The following EEFSEC variants were observed in gnomAD, a reference collection of about 807,000 sequenced individuals.
The protein encoded by EEFSEC is selenocysteine-specific elongation factor.
EEFSEC carries 43 observed loss-of-function variants against 42.1 expected under a neutral mutation model. That is an observed-to-expected ratio of 1.02 (90% CI 0.80 to 1.32). The LOEUF (loss-of-function observed/expected upper bound fraction) is 1.32. EEFSEC is among the 40% of genes most tolerant of loss of function. EEFSEC has a pLI of 0.00. For synonymous variants in EEFSEC, 354 were observed against 339.1 expected (o/e 1.04, Z -0.48); for missense variants, 745 against 803.6 (o/e 0.93, Z 0.88).
chr3:128,348,977 G>T (rs1175315278), intron 5 of EEFSEC, among the ~76,000 whole-genome samples: 1 of 152,242 alleles, frequency 6.6e-6, no homozygotes, highest in Non-Finnish European at 1.5e-5. Flanking sequence ...GTGGGAGGAA[G>T]TAGGCTGGTG....
intron 6 of EEFSEC, among the ~76,000 whole-genome samples, chr3:128,403,153 G>A (rs1056898087): frequency 5.3e-5 from 8 of 152,196 alleles, no homozygotes; most frequent in African/African-American, 1.9e-4. Context: ...AGCTGCCGGA[G>A]CTCCCAAGTC....
downstream of EEFSEC, among the ~76,000 whole-genome samples, chr3:128,410,577 C>G (rs879734333): frequency 6.6e-6 from 1 of 152,182 alleles, no homozygotes; most frequent in Non-Finnish European, 1.5e-5. Context: ...TCCCTGCCTG[C>G]GGTGTGAGCT....
At chr3:128,254,494 G>A (rs2066221739) in intron 2 of EEFSEC, among the ~76,000 whole-genome samples, 1 of 152,156 alleles carries the variant, frequency 6.6e-6, no homozygotes, top group Admixed American at 6.5e-5. Flanking sequence ...AGGGAAATGG[G>A]GGCTGAGTGA....
At chr3:128,356,543 G>A (rs1397516918) in intron 5 of EEFSEC, among the ~76,000 whole-genome samples, 2 of 152,284 alleles carry the variant, frequency 1.3e-5, no homozygotes, top group Admixed American at 6.5e-5. Flanking sequence ...TGGGAGGTCC[G>A]CCTGGTGTGT....
In EEFSEC at chr3:128,341,344, C is replaced by T; in HGVS notation, c.898C>T (p.Arg300Cys). Residue 300 changes from arginine (R) to cysteine (C), a missense_variant, in exon 5 of 7, where the codon CGC becomes TGC. Coordinates refer to ENST00000254730, the MANE Select transcript of EEFSEC (RefSeq NM_021937.5). ...CCAGTTTGACCCTAAGCTGCTGGAG[C>T]GCGGGTTGGTGTGTGCCCCCGAGTC... Reference protein sequence around the residue: ...VTQFDPKLLERGLVCAPESLH... With the variant: ...VTQFDPKLLECGLVCAPESLH... The T allele has an allele frequency of 2.5e-6, 4 of 1,614,190 alleles. 1 individual carries two copies. The highest frequency in any genetic ancestry group is 2.2e-5 in the East Asian group (1 of 44,880).
chr3:128,406,063 G>T (rs887253556), intron 6 of EEFSEC, among the ~76,000 whole-genome samples: 1 of 152,204 alleles, frequency 6.6e-6, no homozygotes, highest in African/African-American at 2.4e-5. Flanking sequence ...GGACCCCCCA[G>T]TGGGGCTGTG....
At chr3:128,194,646 A>C (rs2065562553) in intron 1 of EEFSEC, among the ~76,000 whole-genome samples, 1 of 152,238 alleles carries the variant, frequency 6.6e-6, no homozygotes, top group Admixed American at 6.5e-5. Flanking sequence ...GAGCCACCCA[A>C]ATGAAGCAAA....
At chr3:128,184,337 C>T (rs978227293) in intron 1 of EEFSEC, among the ~76,000 whole-genome samples, 16 of 152,204 alleles carry the variant, frequency 1.1e-4, no homozygotes, top group African/African-American at 3.9e-4. Flanking sequence ...TACACACTTA[C>T]TCCTTATTTC....
chr3:128,401,811 G>A (rs966110651), intron 6 of EEFSEC, among the ~76,000 whole-genome samples: 9 of 152,180 alleles, frequency 5.9e-5, no homozygotes, highest in African/African-American at 1.9e-4. Flanking sequence ...CCCAGTCGTT[G>A]CCCTTGATGC....
intron 1 of EEFSEC, among the ~76,000 whole-genome samples, chr3:128,192,909 G>A (rs928572074): frequency 3.3e-5 from 5 of 152,116 alleles, no homozygotes; most frequent in African/African-American, 9.7e-5. Context: ...TCAGGGCAGG[G>A]GGGCATCTGC....
At chr3:128,264,857 G>A in intron 4 of EEFSEC, 76 bp downstream of exon 4, 1 of 1,503,040 alleles carries the variant, frequency 6.7e-7, no homozygotes, top group Non-Finnish European at 9.0e-7. Context: ...TGTCTGTTCA[G>A]CTGCTGAGCC....
chr3:128,272,448 G>A (rs913979492), intron 4 of EEFSEC, among the ~76,000 whole-genome samples: 1 of 152,196 alleles, frequency 6.6e-6, no homozygotes, highest in South Asian at 2.1e-4. Context: ...GGACTCAGGG[G>A]CTGAACGGCC....
intron 6 of EEFSEC, among the ~76,000 whole-genome samples, chr3:128,400,979 G>A (rs538255908): frequency 6.6e-6 from 1 of 152,284 alleles, no homozygotes; most frequent in Non-Finnish European, 1.5e-5. Context: ...ATGGCCGCCC[G>A]CCCCCACTGC....
At chr3:128,307,561 C>A (rs1188724387) in intron 4 of EEFSEC, among the ~76,000 whole-genome samples, 1 of 152,188 alleles carries the variant, frequency 6.6e-6, no homozygotes, top group South Asian at 2.1e-4. Flanking sequence ...TCTATTCCTC[C>A]AGGCCTGTGG....
chr3:128,332,421 A>T (rs1394593140), intron 4 of EEFSEC, among the ~76,000 whole-genome samples: 1 of 152,246 alleles, frequency 6.6e-6, no homozygotes, highest in Non-Finnish European at 1.5e-5. Flanking sequence ...AGCATCTGAA[A>T]TCCAGAAATC....
chr3:128,206,729 A>G (rs1013272639), intron 1 of EEFSEC, among the ~76,000 whole-genome samples: 1 of 152,148 alleles, frequency 6.6e-6, no homozygotes, highest in Non-Finnish European at 1.5e-5. Context: ...TTCGATCCTC[A>G]TAGTGACCTG....
intron 6 of EEFSEC, among the ~76,000 whole-genome samples, chr3:128,378,518 A>G (rs1253002835): frequency 6.6e-6 from 1 of 152,190 alleles, no homozygotes; most frequent in East Asian, 1.9e-4. Context: ...AGATAAGCCC[A>G]CCTACAGGCA....
Position 128,246,993 on chromosome 3 carries a change from A to G in EEFSEC, c.474A>G (p.Ala158=), listed in dbSNP as rs144163995. 8.7e-6 allele frequency: 14 copies of G among 1,614,092 alleles called. No homozygotes were observed. The highest frequency in any genetic ancestry group is 1.3e-5 in the African/African-American group (1 of 74,934). The change falls in exon 2 of 7, where the codon GCA becomes GCG. Residue 158 remains alanine, a synonymous_variant. Transcript: ENST00000254730. ...TCTTACCTGAAGGAAAGAGACAGGCAGCAATTGATAAAATGACCAAGAAAA... is the reference window on the plus strand; with the variant it reads ...TCTTACCTGAAGGAAAGAGACAGGCGGCAATTGATAAAATGACCAAGAAAA... ...IDLLPEGKRQ[A]AIDKMTKKMQ...
At chr3:128,192,333 C>T (rs528613751) in intron 1 of EEFSEC, among the ~76,000 whole-genome samples, 20 of 152,232 alleles carry the variant, frequency 1.3e-4, no homozygotes, top group African/African-American at 2.9e-4. Flanking sequence ...GCCCCTTTCC[C>T]GATTTTTCTC....
Sources: allele counts gnomAD v4.1 joint callset (sites outside exome capture counted in the v4.1 genomes callset), GRCh38; gene constraint gnomAD v4.1.1; transcripts MANE v1.5; gene names NCBI Gene and HGNC (gene_info 2026-07-23, HGNC 2026-07-21).